JAK2: variants seen among roughly 807,000 people sequenced by gnomAD.
JAK2 encodes Janus kinase 2.
Under a neutral mutation model 139.3 loss-of-function variants are expected in JAK2, and 86 were observed. The observed-to-expected ratio is 0.62, with a 90% CI of 0.52 to 0.74. The LOEUF (loss-of-function observed/expected upper bound fraction) is 0.74. Among genes scored for constraint, JAK2 ranks in the 30% least tolerant of loss-of-function variants. JAK2 has a pLI of 0.00. For missense variants in JAK2, 1,421 were observed against 1,360.3 expected (o/e 1.04, Z -0.70); for synonymous variants, 490 against 437.7 (o/e 1.12, Z -1.49).
In JAK2 at chr9:5,049,984, G is replaced by C. The variant is rs78679783; in HGVS notation, c.469-702G>C. Reference sequence around the variant, plus strand: ...ATCTTATGGAACCATCGTTATATATGTGGTCTGCCATTGACCAAAACATTG... The same window carrying C: ...ATCTTATGGAACCATCGTTATATATCTGGTCTGCCATTGACCAAAACATTG... On this transcript the variant is annotated intron_variant, in intron 5 of 24. Coordinates refer to ENST00000381652, the MANE Select transcript of JAK2 (RefSeq NM_004972.4). Among the ~76,000 whole-genome samples, 405 of 152,296 alleles carry C rather than the reference G, an allele frequency of 2.7e-3. 3 individuals carry two copies. The highest frequency in any genetic ancestry group is 9.4e-3 in the African/African-American group (392 of 41,562).
chr9:5,013,991 G>A (rs1436276053), intron 2 of JAK2, among the ~76,000 whole-genome samples: 2 of 151,998 alleles, frequency 1.3e-5, no homozygotes, highest in Admixed American at 6.6e-5. Context: ...CTAATCTACT[G>A]CATTACTTCT....
intron 19 of JAK2, chr9:5,085,359 A>G (rs1820004297): frequency 6.7e-6 from 6 of 901,972 alleles, no homozygotes; most frequent in South Asian, 5.2e-5. Context: ...TTCCGTACTG[A>G]TAGGTGATCT....
chr9:5,095,877 A>G (rs12376304), intron 22 of JAK2, among the ~76,000 whole-genome samples: 2 of 152,206 alleles, frequency 1.3e-5, no homozygotes, highest in Non-Finnish European at 2.9e-5. Context: ...CATTTCTAGC[A>G]CTTAGCCTAA....
chr9:5,111,127 TG>T, intron 22 of JAK2: 1 of 1,151,156 alleles, frequency 8.7e-7, no homozygotes, highest in Non-Finnish European at 1.2e-6. Flanking sequence ...TGACCCCAGC[TG>T]GACGTTCAGC....
At chr9:4,994,291 A>G (rs942325138) in intron 2 of JAK2, among the ~76,000 whole-genome samples, 3 of 152,334 alleles carry the variant, frequency 2.0e-5, no homozygotes, top group Middle Eastern at 3.4e-3. Context: ...CCAAGAACCT[A>G]TTGAAGACAG....
At chr9:5,114,060 C>T in intron 22 of JAK2, 1 of 332,722 alleles carries the variant, frequency 3.0e-6, no homozygotes, top group African/African-American at 2.1e-5. Flanking sequence ...GGCCTCCACA[C>T]AAAGCAAGCT....
chr9:5,066,467 G>A (rs955559104), intron 9 of JAK2, among the ~76,000 whole-genome samples: 9 of 152,014 alleles, frequency 5.9e-5, no homozygotes, highest in African/African-American at 1.9e-4. Flanking sequence ...GGTTTTTAAA[G>A]CTATATAATT....
intron 15 of JAK2, 91 bp from the exon 16 acceptor site, chr9:5,078,214 CT>C: frequency 9.6e-7 from 1 of 1,043,030 alleles, no homozygotes; most frequent in Non-Finnish European, 1.4e-6. Context: ...ATGTATTTTT[CT>C]TCTTTAAATC....
rs371574601 is a variant in JAK2 at position 5,080,523 on chromosome 9, T to C, written c.2284-10T>C. 11 of 1,576,486 alleles carry C rather than the reference T, an allele frequency of 7.0e-6. No individual in the cohort carries two copies. Among genetic ancestry groups the C allele is most frequent in the Non-Finnish European group, 9.4e-6 (11 of 1,168,194 alleles). On this transcript the variant is annotated splice_polypyrimidine_tract_variant and intron_variant, in intron 17 of 24. Transcript: ENST00000381652. Reference sequence around the variant, plus strand: ...CAATTTATTCTCAGTTTGTGGTTCTTTAATTATAGAAGCTACAATTTTATG... The same window carrying C: ...CAATTTATTCTCAGTTTGTGGTTCTCTAATTATAGAAGCTACAATTTTATG...
chr9:5,051,430 T>TG (rs956370102), intron 6 of JAK2, among the ~76,000 whole-genome samples: 32 of 152,144 alleles, frequency 2.1e-4, no homozygotes, highest in African/African-American at 7.0e-4. Context: ...TAGACTCACG[T>TG]GGGGGAGCCT....
chr9:4,997,256 A>G (rs1034212082), intron 2 of JAK2, among the ~76,000 whole-genome samples: 3 of 152,126 alleles, frequency 2.0e-5, no homozygotes, highest in East Asian at 1.9e-4. Flanking sequence ...TTGCATTGCT[A>G]TAAAGAAATA....
intron 22 of JAK2, among the ~76,000 whole-genome samples, chr9:5,095,862 T>C (rs543103698): frequency 6.6e-6 from 1 of 152,312 alleles, no homozygotes; most frequent in African/African-American, 2.4e-5. Flanking sequence ...TTTTAACAAC[T>C]ACCACATTTC....
chr9:5,034,651 C>T (rs547560345), intron 4 of JAK2, among the ~76,000 whole-genome samples: 2 of 151,830 alleles, frequency 1.3e-5, no homozygotes, highest in Admixed American at 6.6e-5. Flanking sequence ...GGGTACATAA[C>T]GAAATGACGG....
chr9:5,113,449 A>T (rs926357287), intron 22 of JAK2: 4 of 101,426 alleles, frequency 3.9e-5, no homozygotes, highest in Non-Finnish European at 7.8e-5. Context: ...AAAAAAAAAA[A>T]CCCGGACTGA....
intron 22 of JAK2, chr9:5,112,042 C>T (rs999939483): frequency 4.9e-6 from 2 of 409,144 alleles, no homozygotes; most frequent in Non-Finnish European, 9.8e-6. Flanking sequence ...GCCTTATCAC[C>T]CAGCTACGAC....
intron 23 of JAK2, 134 bp from the exon 24 acceptor site, chr9:5,126,195 GTAGT>G (rs1823982458): frequency 3.5e-6 from 2 of 573,084 alleles, no homozygotes; most frequent in South Asian, 4.8e-5. Context: ...GATCCTAAAA[GTAGT>G]TTGTTTTGAA....
Position 5,112,634 on chromosome 9 carries a change from G to A in JAK2, c.3060-10370G>A, listed in dbSNP as rs1048425523. The A allele has an allele frequency of 7.0e-6, 7 of 998,112 alleles. 1 individual carries two copies. The Admixed American group carries it at 1.3e-4, about 19-fold the overall frequency. 61.8% of individuals were successfully genotyped at this position (998,112 alleles called of 1,614,324 possible). A position where few individuals can be genotyped will look rare whatever the true frequency, so the allele number is the denominator to read the frequency against. ...CATGTGGCAACTGCACCTCAACAGCGAGAAGCCCCAGACCAAACTCCTTAT... is the reference window on the plus strand; with the variant it reads ...CATGTGGCAACTGCACCTCAACAGCAAGAAGCCCCAGACCAAACTCCTTAT... On this transcript the variant is annotated intron_variant, in intron 22 of 24. Transcript: ENST00000381652.
chr9:5,001,331 T>C (rs189973854), intron 2 of JAK2, among the ~76,000 whole-genome samples: 52 of 152,326 alleles, frequency 3.4e-4, no homozygotes, highest in Non-Finnish European at 1.0e-4. Flanking sequence ...TGTTTGTAGA[T>C]GATCTTTATT....
chr9:5,081,818 A>C lies in JAK2; in HGVS notation c.2528A>C (p.Gln843Pro), dbSNP rs770516976. The C allele has an allele frequency of 1.2e-6, 2 of 1,613,680 alleles. No homozygotes were observed. Among genetic ancestry groups the C allele is most frequent in the East Asian group, 2.2e-5 (1 of 44,880 alleles). ...SGAFEDRDPTQFEERHLKFLQ... is the reference protein window; with the variant it reads ...SGAFEDRDPTPFEERHLKFLQ... ...GCCTTTGAAGACCGGGATCCTACAC[A>C]GTTTGAAGAGAGACATTTGAAATTT... Residue 843 changes from glutamine to proline, a missense_variant, in exon 19 of 25, where the codon CAG becomes CCG. By Grantham distance (76) the Gln-to-Pro change is moderately conservative (BLOSUM62 -1). Transcript: ENST00000381652.
Sources: gnomAD v4.1 joint callset for allele counts (sites outside exome capture counted in the v4.1 genomes callset) on GRCh38, gnomAD v4.1.1 for gene constraint, MANE v1.5 for transcripts, NCBI Gene and HGNC (gene_info 2026-07-23, HGNC 2026-07-21) for gene names.